GARNL3: variants seen among roughly 807,000 people sequenced by gnomAD.
The protein encoded by GARNL3 is GTPase activating Rap/RanGAP domain like 3.
Under a neutral mutation model 125.0 loss-of-function variants are expected in GARNL3, and 63 were observed. The ratio of observed to expected loss-of-function variants is 0.50; its 90% CI spans 0.41 to 0.62. The LOEUF (loss-of-function observed/expected upper bound fraction) is 0.62. Ranked by LOEUF, GARNL3 falls within the 20% of genes least tolerant of loss-of-function variation. The pLI is 0.00. For synonymous variants in GARNL3, 439 were observed against 457.5 expected, an observed-to-expected ratio of 0.96 and a Z score of 0.52; for missense variants, 994 against 1,244.0, an observed-to-expected ratio of 0.80 and a Z score of 3.02.
At position 127,242,979 on chromosome 9, in the gene GARNL3, T is replaced by C; in HGVS notation, c.-28-100T>C. On this transcript the variant is annotated intron_variant, in intron 1 of 10. Transcript: ENST00000439286. The surrounding 1 kb of genome is among the most constrained non-coding windows in gnomAD (Gnocchi z 4.6). The stretch of plus-strand genomic sequence containing the variant: ...CTTCAGTGTCACCCTCCTCCTTGCT[T>C]ACCAGCGGGGCTGCCTTTGGGAGGA... 2 of 1,068,892 alleles carry C rather than the reference T, an allele frequency of 1.9e-6. No homozygotes were observed. The highest frequency in any genetic ancestry group is 6.0e-5 in the East Asian group (1 of 16,776). The allele number at this position is 1,068,892 out of a possible 1,614,324, so 66.2% of individuals were successfully genotyped here.
intron 20 of GARNL3, among the ~76,000 whole-genome samples, chr9:127,356,991 C>G (rs541796845): frequency 6.6e-6 from 1 of 152,260 alleles, no homozygotes; most frequent in Non-Finnish European, 1.5e-5. Flanking sequence ...CTGGCCTCGA[C>G]CCTTTCCAGT....
At chr9:127,341,863 G>A (rs551994379) in intron 13 of GARNL3, among the ~76,000 whole-genome samples, 1 of 152,288 alleles carries the variant, frequency 6.6e-6, no homozygotes, top group South Asian at 2.1e-4. Flanking sequence ...GAGAGGGTGT[G>A]TTGAGGAGAT....
chr9:127,235,425 G>A lies in GARNL3; in HGVS notation c.-28-7654G>A, dbSNP rs1397150196. ...AATAGGGAAACATAAAAATTTTGTG[G>A]AATAAAGGGATATCAGGAGATGTTA... On this transcript the variant is annotated intron_variant, in intron 1 of 10. Transcript: ENST00000439286. 2.0e-5 allele frequency among the ~76,000 whole-genome samples: 3 copies of A among 151,918 alleles called. No individual in the cohort carries two copies. The East Asian group carries it at 5.8e-4, about 29-fold the overall frequency.
In GARNL3 at chr9:127,390,666, G is replaced by A. The variant is rs141095576; in HGVS notation, c.2769G>A (p.Lys923=). 1 of 1,613,862 alleles carries A rather than the reference G, an allele frequency of 6.2e-7. No individual in the cohort carries two copies. Among genetic ancestry groups the A allele is most frequent in the African/African-American group, 1.3e-5 (1 of 74,906 alleles). The change falls in exon 27 of 28, where the codon AAG becomes AAA. Residue 923 remains lysine (K), a synonymous_variant. Coordinates refer to ENST00000373387, the MANE Select transcript of GARNL3 (RefSeq NM_032293.5). ...LLGLSDEGGP[K]SEGAPKAKSK... ...GCCTCTCGGATGAAGGTGGACCCAA[G>A]TCAGAAGGAGCGCCAAAGGCCAAAT...
intron 20 of GARNL3, 22 bp downstream of exon 20, chr9:127,355,494 T>C: frequency 6.2e-7 from 1 of 1,609,524 alleles, no homozygotes; most frequent in Non-Finnish European, 8.5e-7. Context: ...CTTTAAATCA[T>C]TTATCTCCCA....
rs770809041 is a variant in GARNL3 at position 127,336,200 on chromosome 9, G to T, written c.946G>T (p.Ala316Ser). 6.2e-7 allele frequency: 1 copy of T among 1,613,636 alleles called. No individual in the cohort carries two copies. Among genetic ancestry groups the T allele is most frequent in the Non-Finnish European group, 8.5e-7 (1 of 1,179,584 alleles). The part of the protein sequence containing the change: ...VFQEGEESSP[A>S]FKPSMIRSHF... ...CCAAGAAGGAGAGGAATCTTCTCCT[G>T]CCTTTAAGCCTTCCATGATCCGCTC... Residue 316 changes from alanine to serine, a missense_variant, in exon 11 of 28, where the codon GCC (alanine) becomes TCC (serine). By Grantham distance (99) the Ala-to-Ser change is moderately conservative. Coordinates refer to ENST00000373387, the MANE Select transcript of GARNL3 (RefSeq NM_032293.5).
intron 7 of GARNL3, among the ~76,000 whole-genome samples, chr9:127,325,727 T>C (rs1169256969): frequency 6.6e-6 from 1 of 152,128 alleles, no homozygotes; most frequent in Non-Finnish European, 1.5e-5. Context: ...ATATCCCTAA[T>C]CCAAACACTT....
chr9:127,273,795 A>T (rs999962233), intron 1 of GARNL3, among the ~76,000 whole-genome samples: 1 of 152,236 alleles, frequency 6.6e-6, no homozygotes, highest in Non-Finnish European at 1.5e-5. Flanking sequence ...GCTTCTCCTG[A>T]GAAGCTGGTT....
intron 20 of GARNL3, among the ~76,000 whole-genome samples, chr9:127,355,730 CT>C (rs1830654974): frequency 6.6e-6 from 1 of 152,192 alleles, no homozygotes; most frequent in South Asian, 2.1e-4. Context: ...ATGGGGATTA[CT>C]TTCCAGTTGA....
At chr9:127,258,691 C>T (rs144358609), upstream of GARNL3, among the ~76,000 whole-genome samples, 2,300 of 152,234 alleles carry the variant, frequency 0.015, 22 homozygotes, top group Middle Eastern at 0.034. Flanking sequence ...TTTTCTGTGG[C>T]ACTTTACTTA....
In GARNL3 at chr9:127,364,165, A is replaced by G. The variant is rs574539078; in HGVS notation, c.2095-1135A>G. On this transcript the variant is annotated intron_variant, in intron 21 of 27. Transcript: ENST00000373387. This position sits in a 1 kb window ranked among gnomAD's most constrained non-coding sequence, Gnocchi z 4.2. ...TGGAATCAGTTACATCTGAGAACAA[A>G]CGACATAGTCTAGGGGCTGCAGCCC... is the stretch of plus-strand genomic sequence containing the variant. The G allele has an allele frequency of 1.3e-5, 2 of 152,164 alleles. No homozygotes were observed. Among genetic ancestry groups the G allele is most frequent in the Admixed American group, 1.3e-4 (2 of 15,284 alleles). 9.4% of individuals were successfully genotyped at this position (152,164 alleles called of 1,614,324 possible).
intron 2 of GARNL3, among the ~76,000 whole-genome samples, chr9:127,307,805 T>TAAAAAATA (rs986136654): frequency 6.6e-6 from 1 of 152,066 alleles, no homozygotes; most frequent in Admixed American, 6.5e-5. Flanking sequence ...TTAGAAATAC[T>TAAAAAATA]AAAAAATAAA....
chr9:127,332,765 G>A (rs550802824), intron 8 of GARNL3, among the ~76,000 whole-genome samples: 17 of 152,240 alleles, frequency 1.1e-4, no homozygotes, highest in Admixed American at 1.3e-4. Context: ...TTTGTTTTGC[G>A]ATAGTAAACA....
chr9:127,343,254 C>T (rs991765361), intron 14 of GARNL3, among the ~76,000 whole-genome samples: 3 of 152,102 alleles, frequency 2.0e-5, no homozygotes, highest in African/African-American at 7.2e-5. Flanking sequence ...TGTACCCCAA[C>T]CACTCGCAGG....
intron 1 of GARNL3, among the ~76,000 whole-genome samples, chr9:127,236,975 C>T (rs1476355759): frequency 6.6e-6 from 1 of 152,158 alleles, no homozygotes; most frequent in African/African-American, 2.4e-5. Context: ...CTGACAGACA[C>T]TAAAAAAGGC....
At chr9:127,339,347 G>C (rs1003289580) in intron 12 of GARNL3, among the ~76,000 whole-genome samples, 14 of 152,112 alleles carry the variant, frequency 9.2e-5, no homozygotes, top group Non-Finnish European at 2.1e-4. Context: ...ACATGGCTGG[G>C]GAGGCCTCAG....
chr9:127,324,193 A>G (rs529755835), intron 6 of GARNL3, among the ~76,000 whole-genome samples: 1 of 152,164 alleles, frequency 6.6e-6, no homozygotes, highest in Non-Finnish European at 1.5e-5. Context: ...CGAGGCTGCA[A>G]TGAGCCAAGG....
At chr9:127,355,541 C>A in intron 20 of GARNL3, 69 bp downstream of exon 20, 1 of 1,470,846 alleles carries the variant, frequency 6.8e-7, no homozygotes, top group Non-Finnish European at 9.5e-7. Context: ...TCCTTCCACC[C>A]AGAGTTTGTT....
chr9:127,335,191 A>G (rs747382044), intron 9 of GARNL3, 39 bp from the exon 10 acceptor site: 1 of 1,404,758 alleles, frequency 7.1e-7, no homozygotes, highest in South Asian at 1.2e-5. Flanking sequence ...TTTGGCTCGA[A>G]TTCTCTGTGC....
Sources: gnomAD v4.1 joint callset for allele counts (sites outside exome capture counted in the v4.1 genomes callset) on GRCh38, gnomAD v4.1.1 for gene constraint, Gnocchi (gnomAD v3.1) non-coding constraint, MANE v1.5 for transcripts, NCBI Gene and HGNC (gene_info 2026-07-23, HGNC 2026-07-21) for gene names.